The following PCBP3 variants were observed in gnomAD, a reference collection of about 807,000 sequenced individuals.
The protein encoded by PCBP3 is poly(rC)-binding protein 3.
In PCBP3, 25 loss-of-function variants were observed where a neutral mutation model predicts 52.7. The ratio of observed to expected loss-of-function variants is 0.47; its 90% CI spans 0.35 to 0.66. The LOEUF (loss-of-function observed/expected upper bound fraction) is 0.66. Ranked by LOEUF, PCBP3 falls within the 30% of genes least tolerant of loss-of-function variation. The probability of loss-of-function intolerance (pLI) is 0.01; values close to 1 mark genes in which losing one functional copy is unlikely to be tolerated. For missense variants in PCBP3, 391 were observed against 490.3 expected (o/e 0.80, Z 1.91); for synonymous variants, 162 against 183.0 (o/e 0.89, Z 0.93).
Position 45,827,091 on chromosome 21 carries a change from G to A in PCBP3, c.-125-22870G>A, listed in dbSNP as rs1192438225. On this transcript the variant is annotated intron_variant, in intron 4 of 17. Transcript: ENST00000681687. The surrounding 1 kb of genome is among the most constrained non-coding windows in gnomAD (Gnocchi z 4.3). ...CCAGCTGAGCCAGGCTCTCAAGAGC[G>A]CTCCCCACTCCCGCGTCCCTGGGGA... Among the ~76,000 whole-genome samples, 3 of 152,124 alleles carry A rather than the reference G, an allele frequency of 2.0e-5. No homozygotes were observed. Among genetic ancestry groups the A allele is most frequent in the Admixed American group, 1.3e-4 (2 of 15,282 alleles).
At chr21:45,677,940 G>A (rs2081570875) in intron 2 of PCBP3, among the ~76,000 whole-genome samples, 1 of 152,234 alleles carries the variant, frequency 6.6e-6, no homozygotes, top group South Asian at 2.1e-4. Flanking sequence ...AGCTCTGATA[G>A]AGATGTGCAA....
intron 4 of PCBP3, among the ~76,000 whole-genome samples, chr21:45,785,907 G>A (rs1445984510): frequency 6.7e-6 from 1 of 150,222 alleles, no homozygotes; most frequent in Non-Finnish European, 1.5e-5. Flanking sequence ...TGCAAGATGT[G>A]CTTTGTTAAA....
Position 45,900,622 on chromosome 21 carries a change from A to T in PCBP3, c.221A>T (p.Glu74Val). 7.2e-7 allele frequency: 1 copy of T among 1,388,060 alleles called. No homozygotes were observed. Among genetic ancestry groups the T allele is most frequent in the African/African-American group, 1.5e-5 (1 of 67,554 alleles). 86.0% of individuals were successfully genotyped at this position (1,388,060 alleles called of 1,614,324 possible). ...KGETVKKMRE[E>V]SGARINISEG... ...GAAACTGTGAAGAAGATGCGTGAGGAGGTGAGTGTGGTGGGTCCCCACCTG... is the reference window on the plus strand; with the variant it reads ...GAAACTGTGAAGAAGATGCGTGAGGTGGTGAGTGTGGTGGGTCCCCACCTG... The change falls in exon 8 of 18, where the codon GAG becomes GTG. Residue 74 changes from glutamate (E) to valine (V), a missense_variant and splice_region_variant. Glu to Val is a moderately radical substitution (Grantham distance 121). Transcript: ENST00000681687.
chr21:45,837,727 G>A lies in PCBP3; in HGVS notation c.-125-12234G>A, dbSNP rs1352170011. Among the ~76,000 whole-genome samples, 3 of 152,192 alleles carry A rather than the reference G, an allele frequency of 2.0e-5. No homozygotes were observed. Among genetic ancestry groups the A allele is most frequent in the African/African-American group, 7.2e-5 (3 of 41,452 alleles). On this transcript the variant is annotated intron_variant, in intron 4 of 17. Coordinates refer to ENST00000681687, the MANE Select transcript of PCBP3 (RefSeq NM_001384156.1). This position sits in a 1 kb window ranked among gnomAD's most constrained non-coding sequence, Gnocchi z 4.1. ...TCCTGTGAGGCGAGCGAGCTTCCTAGGTGGCACTGCACGTTGCACCGCATG... is the reference window on the plus strand; with the variant it reads ...TCCTGTGAGGCGAGCGAGCTTCCTAAGTGGCACTGCACGTTGCACCGCATG...
At chr21:45,676,961 C>T (rs191509966) in intron 2 of PCBP3, among the ~76,000 whole-genome samples, 5 of 151,898 alleles carry the variant, frequency 3.3e-5, no homozygotes, top group South Asian at 2.1e-4. Flanking sequence ...TTAGTAGAGG[C>T]GGGGTTTCGC....
chr21:45,654,289 G>A (rs2079870531), intron 1 of PCBP3, among the ~76,000 whole-genome samples: 1 of 151,208 alleles, frequency 6.6e-6, no homozygotes, highest in Non-Finnish European at 1.5e-5. Flanking sequence ...TGCCCAAAGG[G>A]CCCTCTTTAG....
chr21:45,822,332 G>A (rs1227417395), intron 4 of PCBP3, among the ~76,000 whole-genome samples: 2 of 152,104 alleles, frequency 1.3e-5, no homozygotes, highest in African/African-American at 2.4e-5. Context: ...GGCCTTCTCC[G>A]GTGTTCTGCG....
At chr21:45,771,276 C>T (rs796673284) in intron 4 of PCBP3, among the ~76,000 whole-genome samples, 14 of 152,294 alleles carry the variant, frequency 9.2e-5, no homozygotes, top group African/African-American at 3.1e-4. Flanking sequence ...AATTAATATT[C>T]CACACGGGGT....
rs549232528 is a variant in PCBP3 at position 45,819,131 on chromosome 21, G to A, written c.-125-30830G>A. ...CAAACCACAGAGTACAGCACCGAGC[G>A]TGAGCCCTGCTGTGAACTCTGGACC... On this transcript the variant is annotated intron_variant, in intron 4 of 17. Transcript: ENST00000681687. Among the ~76,000 whole-genome samples the A allele has an allele frequency of 1.6e-4, 24 of 152,174 alleles. 1 individual carries two copies. Among genetic ancestry groups the A allele is most frequent in the African/African-American group, 4.8e-4 (20 of 41,548 alleles).
intron 2 of PCBP3, among the ~76,000 whole-genome samples, chr21:45,717,531 T>C (rs757893622): frequency 3.3e-5 from 5 of 152,180 alleles, no homozygotes; most frequent in Admixed American, 6.5e-5. Flanking sequence ...TTTTTGAGTG[T>C]TTTTATCATT....
intron 5 of PCBP3, among the ~76,000 whole-genome samples, chr21:45,890,825 A>G (rs1375808103): frequency 6.6e-6 from 1 of 151,864 alleles, no homozygotes; most frequent in East Asian, 1.9e-4. Context: ...AGGAATGTAG[A>G]TAATAGAACC....
intron 2 of PCBP3, among the ~76,000 whole-genome samples, chr21:45,708,217 GA>G (rs2083585418): frequency 6.6e-6 from 1 of 152,182 alleles, no homozygotes; most frequent in Non-Finnish European, 1.5e-5. Context: ...ATGGGGGAGG[GA>G]TAGGTTGCAG....
intron 2 of PCBP3, among the ~76,000 whole-genome samples, chr21:45,677,811 A>G (rs1266286393): frequency 6.6e-6 from 1 of 152,220 alleles, no homozygotes; most frequent in African/African-American, 2.4e-5. Context: ...CCTAGATAAC[A>G]GCACATCTTT....
intron 1 of PCBP3, among the ~76,000 whole-genome samples, chr21:45,660,675 C>G (rs1202201450): frequency 6.6e-6 from 1 of 152,164 alleles, no homozygotes; most frequent in Non-Finnish European, 1.5e-5. Context: ...TCTAATTTCA[C>G]TAGTATACAG....
chr21:45,814,824 GTGAGTGAGTGGTGAATGA>G (rs2092816561), intron 4 of PCBP3, among the ~76,000 whole-genome samples: 6 of 114,182 alleles, frequency 5.3e-5, no homozygotes, highest in South Asian at 3.2e-4. Flanking sequence ...GTGGTGAGTG[GTGAGTGAGTGGTGAATGA>G]TGAGTGAGTG....
chr21:45,693,673 A>G (rs932768256), intron 2 of PCBP3, among the ~76,000 whole-genome samples: 7 of 152,188 alleles, frequency 4.6e-5, no homozygotes, highest in Non-Finnish European at 7.4e-5. Context: ...GAAAACTGTC[A>G]ATCTAGAATT....
intron 3 of PCBP3, among the ~76,000 whole-genome samples, chr21:45,739,593 C>CCCA (rs2086245858): frequency 8.9e-6 from 1 of 112,600 alleles, no homozygotes; most frequent in Non-Finnish European, 1.9e-5. Context: ...GGTGCCCCCC[C>CCCA]CCATCTTCAT....
chr21:45,885,762 T>C (rs1293426806), intron 5 of PCBP3, among the ~76,000 whole-genome samples: 2 of 152,236 alleles, frequency 1.3e-5, no homozygotes, highest in Non-Finnish European at 2.9e-5. Flanking sequence ...TATTCTATTC[T>C]GTTTTCTCAT....
chr21:45,876,982 G>A (rs970086253), intron 5 of PCBP3, among the ~76,000 whole-genome samples: 4 of 152,364 alleles, frequency 2.6e-5, no homozygotes, highest in South Asian at 2.1e-4. Context: ...AGCTCAAGGC[G>A]CCTGCTGCCA....
Sources: gnomAD v4.1 joint callset for allele counts (sites outside exome capture counted in the v4.1 genomes callset) on GRCh38, gnomAD v4.1.1 for gene constraint, Gnocchi (gnomAD v3.1) non-coding constraint, MANE v1.5 for transcripts, NCBI Gene and HGNC (gene_info 2026-07-23, HGNC 2026-07-21) for gene names.